Variants in ADARB2 observed in about 807,000 individuals in gnomAD.
ADARB2 encodes the protein adenosine deaminase RNA specific B2 (inactive), also known as inactive double-stranded RNA-specific editase B2.
In ADARB2, 25 loss-of-function variants were observed where a neutral mutation model predicts 62.2. The ratio of observed to expected loss-of-function variants is 0.40; its 90% confidence interval spans 0.29 to 0.56. The LOEUF (loss-of-function observed/expected upper bound fraction) is 0.56. Ranked by LOEUF, ADARB2 falls within the 20% of genes least tolerant of loss-of-function variation. The pLI is 0.43. For synonymous variants in ADARB2, 572 were observed against 500.8 expected (o/e 1.14, Z -1.90); for missense variants, 1,071 against 1,077.4 (o/e 0.99, Z 0.08).
At chr10:1,478,244 T>A (rs1032576146) in intron 1 of ADARB2, among the ~76,000 whole-genome samples, 2 of 152,210 alleles carry the variant, frequency 1.3e-5, no homozygotes, top group Admixed American at 6.5e-5. Context: ...AACTCTGAGC[T>A]GCACAGATGT....
intron 3 of ADARB2, among the ~76,000 whole-genome samples, chr10:1,307,932 G>A (rs1185487263): frequency 8.6e-6 from 1 of 115,612 alleles, no homozygotes; most frequent in Non-Finnish European, 1.7e-5. Flanking sequence ...GACTGTCGTG[G>A]GGTGGGGGGA....
intron 1 of ADARB2, among the ~76,000 whole-genome samples, chr10:1,712,839 G>C (rs747408864): frequency 1.3e-5 from 2 of 152,058 alleles, no homozygotes; most frequent in East Asian, 3.9e-4. Flanking sequence ...TTAATCTCCT[G>C]ACCTCATGAT....
At chr10:1,735,080 C>T (rs972143221) in intron 1 of ADARB2, among the ~76,000 whole-genome samples, 1 of 152,168 alleles carries the variant, frequency 6.6e-6, no homozygotes, top group Admixed American at 6.5e-5. Context: ...ATTTGACTTT[C>T]CTATCAAGAT....
At chr10:1,612,972 GT>G (rs1198487901) in intron 1 of ADARB2, among the ~76,000 whole-genome samples, 2 of 152,212 alleles carry the variant, frequency 1.3e-5, no homozygotes, top group Admixed American at 6.6e-5. Flanking sequence ...GATGAAAGCT[GT>G]TGATAATGGG....
intron 1 of ADARB2, among the ~76,000 whole-genome samples, chr10:1,612,590 A>G (rs1478257843): frequency 6.6e-6 from 1 of 152,248 alleles, no homozygotes; most frequent in Non-Finnish European, 1.5e-5. Context: ...GTTGAAAGTC[A>G]TTAAATAACG....
chr10:1,337,040 T>C (rs1400243569), intron 3 of ADARB2, among the ~76,000 whole-genome samples: 2 of 149,784 alleles, frequency 1.3e-5, no homozygotes, highest in East Asian at 3.9e-4. Context: ...TAAAGATTTT[T>C]CCCTTTTTTA....
intron 1 of ADARB2, among the ~76,000 whole-genome samples, chr10:1,627,142 C>T (rs940297188): frequency 1.3e-5 from 2 of 152,118 alleles, no homozygotes; most frequent in African/African-American, 4.8e-5. Context: ...ATCGTTAGCT[C>T]CTCGAGCACC....
intron 6 of ADARB2, among the ~76,000 whole-genome samples, chr10:1,219,905 A>AATGGTGGTGGTGATG (rs1564225043): frequency 1.1e-5 from 1 of 90,390 alleles, no homozygotes; most frequent in African/African-American, 4.4e-5. Context: ...TAATGATGGT[A>AATGGTGGTGGTGATG]ATGGTGGTGG....
At chr10:1,359,038 A>G (rs1475910839) in intron 3 of ADARB2, among the ~76,000 whole-genome samples, 1 of 152,238 alleles carries the variant, frequency 6.6e-6, no homozygotes, top group Non-Finnish European at 1.5e-5. Flanking sequence ...TGGGGAGCAA[A>G]CTGAAGAGAG....
At chr10:1,322,337 A>G (rs1182402031) in intron 3 of ADARB2, among the ~76,000 whole-genome samples, 1 of 152,212 alleles carries the variant, frequency 6.6e-6, no homozygotes, top group African/African-American at 2.4e-5. Context: ...GGTGGACTCT[A>G]GTTTAAATTC....
intron 1 of ADARB2, among the ~76,000 whole-genome samples, chr10:1,571,297 T>TAAA (rs1554772644): frequency 1.5e-4 from 22 of 151,222 alleles, no homozygotes; most frequent in African/African-American, 4.1e-4. Context: ...TTTTTTTTTT[T>TAAA]AAAAAAAGCC....
At chr10:1,465,659 A>G (rs1176778471) in intron 1 of ADARB2, among the ~76,000 whole-genome samples, 1 of 152,232 alleles carries the variant, frequency 6.6e-6, no homozygotes, top group Non-Finnish European at 1.5e-5. Flanking sequence ...GAGAATAGTG[A>G]AAAACGCAAC....
Position 1,558,277 on chromosome 10 carries a change from C to T in ADARB2, c.100+178774G>A, listed in dbSNP as rs376369588. Among the ~76,000 whole-genome samples, 3 of 148,390 alleles carry T rather than the reference C, an allele frequency of 2.0e-5. No homozygotes were observed. In the East Asian group the frequency reaches 6.0e-4, roughly 30 times the overall value. On this transcript the variant is annotated intron_variant, in intron 1 of 9. Coordinates refer to ENST00000381312, the MANE Select transcript of ADARB2 (RefSeq NM_018702.4). ...GCATGCTCCATCTAAATCCACATCCCACCTCTGTCCCCCCTCCGTGGGTGC... is the reference window on the plus strand; with the variant it reads ...GCATGCTCCATCTAAATCCACATCCTACCTCTGTCCCCCCTCCGTGGGTGC...
intron 1 of ADARB2, among the ~76,000 whole-genome samples, chr10:1,441,410 G>C (rs1021745616): frequency 1.3e-5 from 2 of 152,180 alleles, no homozygotes; most frequent in Non-Finnish European, 2.9e-5. Context: ...AGAATAAAGA[G>C]ACAACTTCTC....
intron 3 of ADARB2, among the ~76,000 whole-genome samples, chr10:1,296,783 T>C (rs149953744): frequency 3.9e-4 from 60 of 152,118 alleles, no homozygotes; most frequent in Non-Finnish European, 7.8e-4. Context: ...AATGGGAGAG[T>C]AGTTTTTAGC....
intron 1 of ADARB2, among the ~76,000 whole-genome samples, chr10:1,593,947 A>G (rs1441918402): frequency 6.6e-6 from 1 of 152,156 alleles, no homozygotes; most frequent in African/African-American, 2.4e-5. Context: ...CAGGACCCAT[A>G]AGAGCCATCC....
At chr10:1,659,058 G>A (rs994059203) in intron 1 of ADARB2, among the ~76,000 whole-genome samples, 1 of 152,160 alleles carries the variant, frequency 6.6e-6, no homozygotes, top group African/African-American at 2.4e-5. Context: ...CAAATCTCCT[G>A]TTAATTGTCA....
chr10:1,595,472 G>A (rs1833320654), intron 1 of ADARB2, among the ~76,000 whole-genome samples: 1 of 152,202 alleles, frequency 6.6e-6, no homozygotes, highest in Non-Finnish European at 1.5e-5. Context: ...ATTTGTATTA[G>A]AAAAAATAGT....
At position 1,476,835 on chromosome 10, in the gene ADARB2, C is replaced by G. The variant is rs149356866; in HGVS notation, c.101-97675G>C. ...CCAGGAGGTTGCAGGTGCCACGGCC[C>G]TCTGGGGTGTGGAGGGAACTCTAAT... On this transcript the variant is annotated intron_variant, in intron 1 of 9. Transcript: ENST00000381312. 5.1e-3 allele frequency among the ~76,000 whole-genome samples: 784 copies of G among 152,256 alleles called. 9 individuals carry two copies. Among genetic ancestry groups the G allele is most frequent in the African/African-American group, 0.016 (661 of 41,542 alleles).
Sources: allele counts gnomAD v4.1 joint callset (sites outside exome capture counted in the v4.1 genomes callset), GRCh38; gene constraint gnomAD v4.1.1; transcripts MANE v1.5; gene names NCBI Gene and HGNC (gene_info 2026-07-23, HGNC 2026-07-21).